CCDC33: variants seen among roughly 807,000 people sequenced by gnomAD.
CCDC33 encodes the protein coiled-coil domain-containing protein 33.
CCDC33 carries 94 observed loss-of-function variants against 91.9 expected under a neutral mutation model. The observed-to-expected ratio is 1.02, with a 90% CI of 0.87 to 1.21. The LOEUF (loss-of-function observed/expected upper bound fraction) is 1.21. CCDC33 is among the 50% of genes most tolerant of loss of function. The pLI is 0.00. For missense variants in CCDC33, 940 were observed against 935.5 expected (o/e 1.00, Z -0.06); for synonymous variants, 396 against 374.5 (o/e 1.06, Z -0.66).
At chr15:74,220,144 A>T (rs1192833771) in intron 2 of CCDC33, among the ~76,000 whole-genome samples, 1 of 152,058 alleles carries the variant, frequency 6.6e-6, no homozygotes, top group Admixed American at 6.5e-5. Context: ...GAAAGACCAG[A>T]TCTGAGCTGT....
At chr15:74,308,702 C>A (rs187846641) in intron 11 of CCDC33, among the ~76,000 whole-genome samples, 1 of 152,342 alleles carries the variant, frequency 6.6e-6, no homozygotes, top group African/African-American at 2.4e-5. Flanking sequence ...TGGCACTAAG[C>A]CTCTGCAGCA....
intron 11 of CCDC33, among the ~76,000 whole-genome samples, chr15:74,309,715 C>T (rs1300772203): frequency 1.3e-5 from 2 of 152,158 alleles, no homozygotes; most frequent in African/African-American, 4.8e-5. Flanking sequence ...CCACATCTTA[C>T]ACCACTATTG....
upstream of CCDC33, among the ~76,000 whole-genome samples, chr15:74,216,760 A>T (rs1461253722): frequency 6.6e-6 from 1 of 150,514 alleles, no homozygotes; most frequent in African/African-American, 2.4e-5. Flanking sequence ...AAGAATAGGC[A>T]TATGAACAGG....
intron 9 of CCDC33, among the ~76,000 whole-genome samples, 155 bp from the exon 10 acceptor site, chr15:74,281,623 G>A (rs183091205): frequency 1.3e-5 from 2 of 152,180 alleles, no homozygotes; most frequent in Non-Finnish European, 2.9e-5. Context: ...GGCAGTTTGC[G>A]AGGGCAAAAG....
At chr15:74,217,451 G>A (rs1294723499) in exon 1 of CCDC33, 2 of 1,289,698 alleles carry the variant, frequency 1.6e-6, no homozygotes, top group African/African-American at 3.0e-5. Context: ...CTGGGGCTGG[G>A]GTGCAGTTGC....
intron 2 of CCDC33, among the ~76,000 whole-genome samples, chr15:74,227,134 C>T (rs1595891777): frequency 6.6e-6 from 1 of 152,148 alleles, no homozygotes; most frequent in African/African-American, 2.4e-5. Flanking sequence ...GGCAGGGTAA[C>T]CTTGATAGAG....
chr15:74,296,943 T>C (rs1202959344), intron 11 of CCDC33, among the ~76,000 whole-genome samples: 1 of 152,196 alleles, frequency 6.6e-6, no homozygotes, highest in Non-Finnish European at 1.5e-5. Flanking sequence ...CTCTGGAAGA[T>C]CTTGAGAAAA....
intron 13 of CCDC33, 53 bp downstream of exon 13, chr15:74,330,804 C>G (rs1045417802): frequency 1.9e-6 from 3 of 1,548,312 alleles, no homozygotes; most frequent in East Asian, 2.2e-5. Flanking sequence ...GGGGGAGCAT[C>G]GGGGTGAGAA....
intron 10 of CCDC33, among the ~76,000 whole-genome samples, chr15:74,288,124 ACAGAGAGTTCATTACCACC>A (rs61410314): frequency 0.011 from 1,623 of 152,276 alleles, 19 homozygotes; most frequent in Non-Finnish European, 0.017. Flanking sequence ...TCATTTCCCG[ACAGAGAGTTCATTACCACC>A]CAGGATGCCC....
chr15:74,242,316 G>A (rs1011807284), intron 1 of CCDC33, among the ~76,000 whole-genome samples: 1 of 152,202 alleles, frequency 6.6e-6, no homozygotes, highest in African/African-American at 2.4e-5. Flanking sequence ...GGGCTCCTCA[G>A]GAGCCGGCCA....
At chr15:74,259,682 T>A (rs1208294467) in intron 2 of CCDC33, among the ~76,000 whole-genome samples, 1 of 152,196 alleles carries the variant, frequency 6.6e-6, no homozygotes, top group Non-Finnish European at 1.5e-5. Context: ...CCTTGCCCCG[T>A]CACCTTTACC....
chr15:74,231,251 A>G (rs1296582977), intron 2 of CCDC33, among the ~76,000 whole-genome samples: 2 of 152,196 alleles, frequency 1.3e-5, no homozygotes, highest in African/African-American at 2.4e-5. Flanking sequence ...TACATTAGTG[A>G]TAGAGTCACA....
At chr15:74,232,707 C>T (rs143290613), upstream of CCDC33, among the ~76,000 whole-genome samples, 276 of 152,322 alleles carry the variant, frequency 1.8e-3, no homozygotes, top group African/African-American at 6.5e-3. Context: ...TGGTTCCCGT[C>T]CTTATCCAGT....
chr15:74,333,210 T>G, intron 16 of CCDC33: 1 of 1,570,836 alleles, frequency 6.4e-7, no homozygotes. Flanking sequence ...GAGAGCCCTT[T>G]TCCATCCCAG....
rs140583489 is a variant in CCDC33, at chr15:74,305,911, T to C, written c.1290+9963T>C. The stretch of plus-strand genomic sequence containing the variant: ...AACCTCTCTGATCCTGTCTCTTCAT[T>C]GTTAAGTAGAGGAAATACTCTCCCC... On this transcript the variant is annotated intron_variant, in intron 11 of 18. Transcript: ENST00000398814. Among the ~76,000 whole-genome samples, 358 of 152,090 alleles carry C rather than the reference T, an allele frequency of 2.4e-3. 2 individuals carry two copies. The highest frequency in any genetic ancestry group is 6.2e-3 in the Admixed American group (95 of 15,284).
intron 11 of CCDC33, among the ~76,000 whole-genome samples, chr15:74,323,689 G>A (rs150445880): frequency 0.018 from 2,764 of 151,086 alleles, 38 homozygotes; most frequent in Middle Eastern, 0.079. Context: ...CACCACGCCC[G>A]GCTATTTTTT....
In CCDC33 at chr15:74,244,581, C is replaced by T. The variant is rs543953117; in HGVS notation, c.185+433C>T. ...AGGGTCCTCATAACCACCCTCCCCT[C>T]CTCCCCTCCTTCTCCAGTCACTTCT... On this transcript the variant is annotated intron_variant, in intron 2 of 18. Transcript: ENST00000398814. The surrounding 1 kb of genome is among the most constrained non-coding windows in gnomAD (Gnocchi z 4.2). Among the ~76,000 whole-genome samples, 2 of 152,076 alleles carry T rather than the reference C, an allele frequency of 1.3e-5. No individual in the cohort carries two copies. Among genetic ancestry groups the T allele is most frequent in the East Asian group, 1.9e-4 (1 of 5,148 alleles).
At chr15:74,261,510 G>A (rs867883074) in intron 2 of CCDC33, among the ~76,000 whole-genome samples, 2 of 152,194 alleles carry the variant, frequency 1.3e-5, no homozygotes, top group African/African-American at 4.8e-5. Context: ...CCCATCCTGG[G>A]GTACCATTAG....
chr15:74,281,966 T>A (rs1367106872), intron 10 of CCDC33, 117 bp downstream of exon 10: 4 of 828,104 alleles, frequency 4.8e-6, no homozygotes, highest in Non-Finnish European at 7.8e-6. Context: ...ACTACTACTT[T>A]GGATAGAAAC....
Sources: allele counts gnomAD v4.1 joint callset (sites outside exome capture counted in the v4.1 genomes callset), GRCh38; gene constraint gnomAD v4.1.1; non-coding constraint Gnocchi (gnomAD v3.1); transcripts MANE v1.5; gene names NCBI Gene and HGNC (gene_info 2026-07-23, HGNC 2026-07-21).